Variants in CNTNAP2 observed in about 807,000 individuals in gnomAD.
The protein encoded by CNTNAP2 is contactin associated protein 2.
A neutral mutation model predicts 155.2 loss-of-function variants in CNTNAP2; 98 were observed. The observed-to-expected ratio is 0.63, with a 90% CI of 0.54 to 0.75. The LOEUF is 0.75. CNTNAP2 is among the 30% of genes least tolerant of loss of function. CNTNAP2 has a pLI of 0.00. For missense variants in CNTNAP2, 1,727 were observed against 1,688.1 expected, an observed-to-expected ratio of 1.02 and a Z score of -0.40; for synonymous variants, 651 against 631.2, an observed-to-expected ratio of 1.03 and a Z score of -0.47.
intron 8 of CNTNAP2, among the ~76,000 whole-genome samples, chr7:147,221,639 A>G (rs1162734023): frequency 2.6e-5 from 4 of 152,172 alleles, no homozygotes; most frequent in African/African-American, 9.7e-5. Context: ...AAAAGAAGTT[A>G]AGAAAAAATT....
At chr7:146,916,578 A>T (rs951158980) in intron 3 of CNTNAP2, among the ~76,000 whole-genome samples, 7 of 152,088 alleles carry the variant, frequency 4.6e-5, no homozygotes, top group African/African-American at 1.7e-4. Context: ...ATTTCCAGGA[A>T]TTTATCCATC....
chr7:146,772,310 G>A (rs1802306201), intron 1 of CNTNAP2, among the ~76,000 whole-genome samples: 1 of 152,014 alleles, frequency 6.6e-6, no homozygotes. Flanking sequence ...TGACAAGAGA[G>A]GATACTTGGA....
chr7:147,738,064 A>G (rs2204416), intron 13 of CNTNAP2, among the ~76,000 whole-genome samples: 134,467 of 152,190 alleles, frequency 0.88, 61,519 homozygotes, highest in Non-Finnish European at 0.99. Flanking sequence ...AGATGAACCC[A>G]GTACCTCAGT....
chr7:147,864,710 C>A (rs975528015), intron 13 of CNTNAP2, among the ~76,000 whole-genome samples: 2 of 152,116 alleles, frequency 1.3e-5, no homozygotes, highest in African/African-American at 4.8e-5. Context: ...GGAGTTCACT[C>A]ATGATTTGGC....
chr7:147,129,435 T>C (rs1187935388), intron 7 of CNTNAP2, among the ~76,000 whole-genome samples: 1 of 152,152 alleles, frequency 6.6e-6, no homozygotes, highest in African/African-American at 2.4e-5. Context: ...CCAGGTTTCA[T>C]TAGATTTTGG....
chr7:147,236,432 T>TC (rs1051130243), intron 8 of CNTNAP2, among the ~76,000 whole-genome samples: 4 of 152,126 alleles, frequency 2.6e-5, no homozygotes, highest in African/African-American at 7.2e-5. Context: ...TTTTTTTTTT[T>TC]TTAACAGTCT....
At chr7:146,132,550 T>A (rs1256216644) in intron 1 of CNTNAP2, among the ~76,000 whole-genome samples, 1 of 142,466 alleles carries the variant, frequency 7.0e-6, no homozygotes, top group African/African-American at 2.6e-5. Context: ...TATCTCCCAA[T>A]GCTATCCCTC....
chr7:147,982,438 C>T (rs1475721496), intron 15 of CNTNAP2, among the ~76,000 whole-genome samples: 1 of 152,192 alleles, frequency 6.6e-6, no homozygotes, highest in Non-Finnish European at 1.5e-5. Context: ...TGGAGTCACA[C>T]TGCAGGATTA....
At chr7:146,605,543 A>G (rs1253757206) in intron 1 of CNTNAP2, among the ~76,000 whole-genome samples, 1 of 143,836 alleles carries the variant, frequency 7.0e-6, no homozygotes, top group Admixed American at 6.8e-5. Context: ...AACTACAGAT[A>G]TTCAATGTAA....
At chr7:147,919,291 T>C (rs1800215914) in intron 14 of CNTNAP2, among the ~76,000 whole-genome samples, 1 of 151,536 alleles carries the variant, frequency 6.6e-6, no homozygotes, top group South Asian at 2.1e-4. Flanking sequence ...TCAGGTTTTG[T>C]TTTTGTTTTG....
intron 18 of CNTNAP2, among the ~76,000 whole-genome samples, chr7:148,172,994 G>A (rs530153671): frequency 1.3e-5 from 2 of 152,284 alleles, no homozygotes; most frequent in Admixed American, 1.3e-4. Flanking sequence ...TCTTACTCAG[G>A]ATGCCTTTGA....
At chr7:147,710,021 CTACAGTTGTACACCAGTTTG>C (rs2117014626) in intron 13 of CNTNAP2, among the ~76,000 whole-genome samples, 1 of 152,152 alleles carries the variant, frequency 6.6e-6, no homozygotes, top group South Asian at 2.1e-4. Flanking sequence ...CAGAGATAGG[CTACAGTTGTACACCAGTTTG>C]TACAGTGTAC....
At chr7:147,430,887 A>G (rs1797454171) in intron 10 of CNTNAP2, among the ~76,000 whole-genome samples, 5 of 152,022 alleles carry the variant, frequency 3.3e-5, no homozygotes, top group Admixed American at 3.3e-4. Context: ...ACACAGTGAG[A>G]CACCGTCTCT....
intron 1 of CNTNAP2, among the ~76,000 whole-genome samples, chr7:146,521,160 CTA>C (rs1797611497): frequency 6.6e-6 from 1 of 151,890 alleles, no homozygotes; most frequent in African/African-American, 2.4e-5. Context: ...CAAGCCTTTC[CTA>C]TATAGAACCA....
At chr7:147,311,959 T>G (rs1328221972) in intron 9 of CNTNAP2, among the ~76,000 whole-genome samples, 1 of 152,106 alleles carries the variant, frequency 6.6e-6, no homozygotes, top group African/African-American at 2.4e-5. Context: ...GTATGTAAAT[T>G]TAATTATTAA....
chr7:148,069,652 C>T (rs568489459), intron 15 of CNTNAP2, among the ~76,000 whole-genome samples: 6 of 150,562 alleles, frequency 4.0e-5, no homozygotes, highest in African/African-American at 1.2e-4. Flanking sequence ...CCCAGCTACT[C>T]GGGAGGCTGA....
intron 13 of CNTNAP2, among the ~76,000 whole-genome samples, chr7:147,869,320 A>G (rs1238216360): frequency 6.6e-6 from 1 of 152,266 alleles, no homozygotes; most frequent in Non-Finnish European, 1.5e-5. Context: ...GGTATAAAGT[A>G]GGATGATAGT....
chr7:146,272,876 TTGA>T (rs1451718016), intron 1 of CNTNAP2, among the ~76,000 whole-genome samples: 1 of 152,016 alleles, frequency 6.6e-6, no homozygotes, highest in African/African-American at 2.4e-5. Context: ...TAGGGAAGAT[TTGA>T]ACCTGCGTAA....
chr7:147,487,145 C>T (rs867375770), intron 11 of CNTNAP2, among the ~76,000 whole-genome samples: 31 of 152,094 alleles, frequency 2.0e-4, no homozygotes, highest in Middle Eastern at 3.4e-3. Flanking sequence ...AAGAAGAAAT[C>T]GTGTTTTGAA....
Sources: gnomAD v4.1 joint callset for allele counts (sites outside exome capture counted in the v4.1 genomes callset) on GRCh38, gnomAD v4.1.1 for gene constraint, MANE v1.5 for transcripts, NCBI Gene and HGNC (gene_info 2026-07-23, HGNC 2026-07-21) for gene names.